TENM3: variants seen among roughly 807,000 people sequenced by gnomAD.
TENM3 encodes teneurin-3.
TENM3 carries 63 observed loss-of-function variants against 255.1 expected under a neutral mutation model. The ratio of observed to expected loss-of-function variants is 0.25; its 90% CI spans 0.20 to 0.30. The LOEUF is 0.30. TENM3 is among the 10% of genes least tolerant of loss of function. TENM3 has a pLI of 1.00. For synonymous variants in TENM3, 1,306 were observed against 1,322.3 expected (o/e 0.99, Z 0.27); for missense variants, 2,929 against 3,461.1 (o/e 0.85, Z 3.86).
chr4:181,864,061 G>A, the TENM3 span, among the ~76,000 whole-genome samples: 21 of 152,262 alleles, frequency 1.4e-4, no homozygotes, highest in African/African-American at 4.8e-4. Context: ...TCTCGGGCAT[G>A]AGGTTGTAAT....
intron 1 of TENM3, among the ~76,000 whole-genome samples, chr4:182,252,753 G>C (rs1758105161): frequency 6.6e-6 from 1 of 152,176 alleles, no homozygotes; most frequent in Non-Finnish European, 1.5e-5. Flanking sequence ...GCTAATAAAA[G>C]GAAGCAAATC....
At chr4:182,168,412 G>A (rs1751865793) in intron 1 of TENM3, among the ~76,000 whole-genome samples, 1 of 152,150 alleles carries the variant, frequency 6.6e-6, no homozygotes. Context: ...TGGGATTACA[G>A]GCATGAGCCA....
chr4:182,233,216 T>A (rs1756690093), intron 1 of TENM3, among the ~76,000 whole-genome samples: 1 of 152,096 alleles, frequency 6.6e-6, no homozygotes, highest in African/African-American at 2.4e-5. Context: ...TGACAGAAAT[T>A]CCCGGATGCC....
chr4:182,502,144 G>A (rs1414202429), intron 3 of TENM3, among the ~76,000 whole-genome samples: 1 of 152,158 alleles, frequency 6.6e-6, no homozygotes, highest in Non-Finnish European at 1.5e-5. Context: ...TGCTACTGTT[G>A]TTGAAATGTC....
At chr4:182,020,282 C>A in the TENM3 span, among the ~76,000 whole-genome samples, 1 of 151,970 alleles carries the variant, frequency 6.6e-6, no homozygotes, top group Non-Finnish European at 1.5e-5. Context: ...AGGAGAATTG[C>A]TTGAACCCAG....
chr4:182,643,168 A>AT (rs1448449666), intron 5 of TENM3, among the ~76,000 whole-genome samples: 1 of 152,186 alleles, frequency 6.6e-6, no homozygotes. Flanking sequence ...ATTGCCCTAT[A>AT]TTTAAGAGTA....
At chr4:182,772,066 G>A (rs993096589) in intron 22 of TENM3, among the ~76,000 whole-genome samples, 32 of 152,112 alleles carry the variant, frequency 2.1e-4, no homozygotes, top group African/African-American at 6.0e-4. Flanking sequence ...TCCGTCCCTC[G>A]CCTTCCTCCT....
intron 7 of TENM3, among the ~76,000 whole-genome samples, chr4:182,673,969 A>C (rs986293089): frequency 2.6e-5 from 4 of 152,222 alleles, no homozygotes; most frequent in African/African-American, 9.6e-5. Context: ...TTGTCGCTTA[A>C]TATAGGTTTC....
the TENM3 span, among the ~76,000 whole-genome samples, chr4:181,486,654 C>T: frequency 2.0e-5 from 3 of 152,240 alleles, no homozygotes; most frequent in East Asian, 3.9e-4. Context: ...TATAGCGGCG[C>T]TATTTACAAC....
At chr4:181,660,401 C>T in the TENM3 span, among the ~76,000 whole-genome samples, 108 of 152,162 alleles carry the variant, frequency 7.1e-4, no homozygotes, top group African/African-American at 2.5e-3. Context: ...TCATACTTAA[C>T]CACTTGACCT....
At chr4:181,822,200 A>G in the TENM3 span, among the ~76,000 whole-genome samples, 3 of 152,268 alleles carry the variant, frequency 2.0e-5, no homozygotes, top group Non-Finnish European at 2.9e-5. Context: ...ATTGCTTGTC[A>G]GTAGAAATTT....
chr4:182,749,747 A>G (rs1762245477), intron 19 of TENM3, among the ~76,000 whole-genome samples: 1 of 152,218 alleles, frequency 6.6e-6, no homozygotes, highest in Non-Finnish European at 1.5e-5. Flanking sequence ...TACTCAAAAG[A>G]TGTACAACTG....
At chr4:182,070,311 A>C in the TENM3 span, among the ~76,000 whole-genome samples, 1 of 152,202 alleles carries the variant, frequency 6.6e-6, no homozygotes, top group Non-Finnish European at 1.5e-5. Flanking sequence ...AAGGTTTTGA[A>C]TTGAAGATTT....
the TENM3 span, among the ~76,000 whole-genome samples, chr4:181,609,332 A>G: frequency 6.6e-6 from 1 of 152,210 alleles, no homozygotes; most frequent in Non-Finnish European, 1.5e-5. Flanking sequence ...TGCTTTTTTC[A>G]TAATAGCCAG....
intron 24 of TENM3, among the ~76,000 whole-genome samples, chr4:182,779,233 G>C (rs1301583885): frequency 3.3e-5 from 5 of 149,800 alleles, no homozygotes; most frequent in Admixed American, 1.3e-4. Flanking sequence ...ACAGTCCCCA[G>C]AGTGTGATAT....
chr4:182,369,351 T>A (rs1766644540), intron 3 of TENM3, among the ~76,000 whole-genome samples: 2 of 152,146 alleles, frequency 1.3e-5, no homozygotes, highest in Non-Finnish European at 2.9e-5. Context: ...AGATACTGAG[T>A]GACAAAGCCA....
chr4:182,035,573 C>T, the TENM3 span, among the ~76,000 whole-genome samples: 4 of 152,182 alleles, frequency 2.6e-5, no homozygotes, highest in Non-Finnish European at 5.9e-5. Flanking sequence ...ATGACATTAT[C>T]TATTGGCTAG....
the TENM3 span, among the ~76,000 whole-genome samples, chr4:182,126,762 A>G: frequency 2.0e-5 from 3 of 152,174 alleles, no homozygotes. Flanking sequence ...AAAGAACCCC[A>G]AGCAAAACTT....
At chr4:182,215,393 A>C (rs1311850180) in intron 1 of TENM3, among the ~76,000 whole-genome samples, 1 of 152,200 alleles carries the variant, frequency 6.6e-6, no homozygotes, top group African/African-American at 2.4e-5. Context: ...GAGTTTTTTA[A>C]AAAACATGCA....
Sources: gnomAD v4.1 joint callset for allele counts (sites outside exome capture counted in the v4.1 genomes callset) on GRCh38, gnomAD v4.1.1 for gene constraint, MANE v1.5 for transcripts, NCBI Gene and HGNC (gene_info 2026-07-23, HGNC 2026-07-21) for gene names.